MAST4: variants seen among roughly 807,000 people sequenced by gnomAD.
The protein encoded by MAST4 is microtubule associated serine/threonine kinase family member 4.
Under a neutral mutation model 162.7 loss-of-function variants are expected in MAST4, and 89 were observed. The observed-to-expected ratio is 0.55, with a 90% CI of 0.46 to 0.65. MAST4 has a LOEUF of 0.65. MAST4 is among the 30% of genes least tolerant of loss of function. The pLI is 0.00. For synonymous variants in MAST4, 1,479 were observed against 1,361.1 expected, an observed-to-expected ratio of 1.09 and a Z score of -1.91; for missense variants, 3,153 against 3,374.0, an observed-to-expected ratio of 0.93 and a Z score of 1.62.
intron 3 of MAST4, among the ~76,000 whole-genome samples, chr5:66,854,699 C>T (rs182713472): frequency 2.0e-5 from 3 of 152,056 alleles, no homozygotes; most frequent in Admixed American, 6.5e-5. Context: ...TCCTCACTTC[C>T]GTTGTATTCT....
At chr5:67,091,662 G>C (rs1019237162) in intron 6 of MAST4, among the ~76,000 whole-genome samples, 1 of 152,066 alleles carries the variant, frequency 6.6e-6, no homozygotes, top group African/African-American at 2.4e-5. Flanking sequence ...AAGCAAAATG[G>C]AAATCTCATG....
At chr5:66,724,166 C>T (rs1751379928) in intron 1 of MAST4, among the ~76,000 whole-genome samples, 1 of 152,170 alleles carries the variant, frequency 6.6e-6, no homozygotes, top group Non-Finnish European at 1.5e-5. Context: ...TTCTTCCTAG[C>T]AGAGGAAAGA....
chr5:66,995,872 T>C (rs1750570308), intron 4 of MAST4, among the ~76,000 whole-genome samples: 2 of 144,536 alleles, frequency 1.4e-5, no homozygotes, highest in South Asian at 4.3e-4. Flanking sequence ...AGATGCTCTC[T>C]CAAAACACAC....
intron 4 of MAST4, among the ~76,000 whole-genome samples, chr5:66,970,609 A>G (rs1747315445): frequency 6.6e-6 from 1 of 152,082 alleles, no homozygotes; most frequent in South Asian, 2.1e-4. Context: ...TGTGTTTTTT[A>G]TCTATGCACT....
At chr5:66,657,905 G>A (rs1746654863) in intron 1 of MAST4, among the ~76,000 whole-genome samples, 1 of 152,194 alleles carries the variant, frequency 6.6e-6, no homozygotes, top group Non-Finnish European at 1.5e-5. Context: ...AAAGTAAAAA[G>A]TTGAAACATA....
intron 4 of MAST4, among the ~76,000 whole-genome samples, chr5:67,017,605 C>CTTTTTTTTTTTTT (rs34059850): frequency 7.4e-6 from 1 of 135,030 alleles, no homozygotes. Flanking sequence ...TTTTTCTTTT[C>CTTTTTTTTTTTTT]TTTTTTTTTT....
At chr5:66,645,705 C>T (rs898768448) in intron 1 of MAST4, among the ~76,000 whole-genome samples, 1 of 152,058 alleles carries the variant, frequency 6.6e-6, no homozygotes, top group African/African-American at 2.4e-5. Flanking sequence ...TGTTTAACAG[C>T]CCTTTTATTA....
intron 11 of MAST4, among the ~76,000 whole-genome samples, chr5:67,113,793 C>G (rs576522376): frequency 6.6e-6 from 1 of 152,214 alleles, no homozygotes; most frequent in South Asian, 2.1e-4. Flanking sequence ...CTGTTCATTG[C>G]CGACGAGCGA....
chr5:66,779,091 T>C (rs1164581340), intron 2 of MAST4, among the ~76,000 whole-genome samples: 1 of 152,344 alleles, frequency 6.6e-6, no homozygotes, highest in Admixed American at 6.5e-5. Flanking sequence ...GCATTCTATG[T>C]TAAGTATGGA....
At chr5:66,893,206 T>C (rs1321831917) in intron 3 of MAST4, among the ~76,000 whole-genome samples, 2 of 152,096 alleles carry the variant, frequency 1.3e-5, no homozygotes, top group Non-Finnish European at 2.9e-5. Context: ...TTTGTTTTGT[T>C]TTTGATGTTG....
intron 4 of MAST4, chr5:66,930,657 T>C (rs2150072846): frequency 2.1e-6 from 1 of 467,462 alleles, no homozygotes; most frequent in Non-Finnish European, 4.4e-6. Flanking sequence ...CAATATATAT[T>C]TGACCCTTTG....
chr5:67,084,365 A>G (rs1763004985), intron 5 of MAST4, among the ~76,000 whole-genome samples: 1 of 152,190 alleles, frequency 6.6e-6, no homozygotes, highest in African/African-American at 2.4e-5. Context: ...AGGATCCAGA[A>G]TTGATTTCAT....
chr5:67,104,682 G>T, intron 10 of MAST4, 107 bp downstream of exon 10: 6 of 520,664 alleles, frequency 1.2e-5, no homozygotes, highest in Non-Finnish European at 6.2e-6. Flanking sequence ...ACATTCCAGA[G>T]AAGCAAAAAA....
At chr5:66,631,562 C>A (rs1356888481) in intron 1 of MAST4, among the ~76,000 whole-genome samples, 4 of 152,070 alleles carry the variant, frequency 2.6e-5, no homozygotes, top group African/African-American at 9.7e-5. Flanking sequence ...TACGTAATGC[C>A]TTTTGTGCGC....
intron 4 of MAST4, among the ~76,000 whole-genome samples, chr5:67,049,044 T>TAC (rs1561576573): frequency 1.0e-4 from 10 of 99,144 alleles, no homozygotes; most frequent in African/African-American, 3.6e-4. Flanking sequence ...TATATATACG[T>TAC]GTATATATAT....
intron 3 of MAST4, among the ~76,000 whole-genome samples, chr5:66,889,782 T>C (rs1474957256): frequency 6.6e-6 from 1 of 152,194 alleles, no homozygotes; most frequent in Non-Finnish European, 1.5e-5. Flanking sequence ...ATGCAGGACA[T>C]GTGTTAGCAT....
intron 1 of MAST4, among the ~76,000 whole-genome samples, chr5:66,642,494 T>G (rs887998014): frequency 6.6e-6 from 1 of 152,202 alleles, no homozygotes; most frequent in South Asian, 2.1e-4. Context: ...TTTTTAGGTG[T>G]GATAATGACA....
intron 1 of MAST4, among the ~76,000 whole-genome samples, chr5:66,618,958 AG>A (rs1291628013): frequency 1.3e-5 from 2 of 152,184 alleles, no homozygotes; most frequent in African/African-American, 2.4e-5. Flanking sequence ...TTCCAACAAA[AG>A]CTCCATTTTA....
chr5:66,985,155 C>G (rs961429125), intron 4 of MAST4, among the ~76,000 whole-genome samples: 10 of 152,100 alleles, frequency 6.6e-5, no homozygotes, highest in Admixed American at 5.2e-4. Flanking sequence ...AGGAGGAAGA[C>G]CAGCCAGGTG....
Sources: allele counts gnomAD v4.1 joint callset (sites outside exome capture counted in the v4.1 genomes callset), GRCh38; gene constraint gnomAD v4.1.1; transcripts MANE v1.5; gene names NCBI Gene and HGNC (gene_info 2026-07-23, HGNC 2026-07-21).